MAOB: variants seen among roughly 807,000 people sequenced by gnomAD.
The protein encoded by MAOB is monoamine oxidase B.
Under a neutral mutation model 41.9 loss-of-function variants are expected in MAOB, and 15 were observed. The ratio of observed to expected loss-of-function variants is 0.36; its 90% confidence interval spans 0.24 to 0.55. The LOEUF is 0.55. Among genes scored for constraint, MAOB ranks in the 20% least tolerant of loss-of-function variants. The pLI is 0.86. For synonymous variants in MAOB, 167 were observed against 144.2 expected (o/e 1.16, Z -1.13); for missense variants, 345 against 398.7 (o/e 0.87, Z 1.15).
intron 12 of MAOB, among the ~76,000 whole-genome samples, chrX:43,772,405 T>G (rs983686996): frequency 8.9e-6 from 1 of 111,888 alleles, no homozygotes; most frequent in South Asian, 3.8e-4. Context: ...TTCAGGTTAG[T>G]GTCCTCTTTG....
intron 3 of MAOB, among the ~76,000 whole-genome samples, chrX:43,823,925 T>C (rs2034913332): frequency 8.9e-6 from 1 of 112,300 alleles, no homozygotes; most frequent in Non-Finnish European, 1.9e-5. Context: ...TGTTCAGAGA[T>C]ATTGTCTCAT....
chrX:43,815,535 G>A (rs995819144), intron 3 of MAOB, among the ~76,000 whole-genome samples: 16 of 112,101 alleles, frequency 1.4e-4, no homozygotes, highest in South Asian at 7.5e-4. Context: ...ACTGGAAGCC[G>A]TAGTTTTTGC....
chrX:43,813,656 C>A (rs955323320), intron 3 of MAOB, among the ~76,000 whole-genome samples: 1 of 111,812 alleles, frequency 8.9e-6, no homozygotes, highest in South Asian at 3.7e-4. Flanking sequence ...CCCTCCTGTT[C>A]CCATGCAAGG....
At chrX:43,839,087 C>T (rs376514472) in intron 2 of MAOB, 82 bp from the exon 3 acceptor site, 93 of 730,145 alleles carry the variant, frequency 1.3e-4, no homozygotes, top group Non-Finnish European at 1.6e-4. Context: ...ATAAGCAAAT[C>T]GACATTTCAC....
chrX:43,866,022 C>T (rs995641607), intron 1 of MAOB, among the ~76,000 whole-genome samples: 5 of 110,589 alleles, frequency 4.5e-5, no homozygotes, highest in African/African-American at 9.9e-5. Context: ...TAGCTACAGG[C>T]CCTAGGAAGA....
intron 3 of MAOB, among the ~76,000 whole-genome samples, chrX:43,825,300 A>T (rs1169871364): frequency 1.8e-5 from 2 of 111,425 alleles, no homozygotes; most frequent in Non-Finnish European, 3.8e-5. Context: ...AGTGCTGTAA[A>T]CGTAAGCTTT....
At chrX:43,828,541 C>CAAAA in intron 3 of MAOB, among the ~76,000 whole-genome samples, 1 of 97,427 alleles carries the variant, frequency 1.0e-5, no homozygotes, top group Middle Eastern at 5.2e-3. Context: ...AGGCATAAGA[C>CAAAA]AAAAAAAAAA....
intron 3 of MAOB, among the ~76,000 whole-genome samples, chrX:43,837,387 G>A (rs756803269): frequency 2.7e-5 from 3 of 112,065 alleles, no homozygotes; most frequent in Non-Finnish European, 5.6e-5. Flanking sequence ...TAGTAGAGAC[G>A]GGGTTTCGCC....
chrX:43,870,448 C>G (rs1156743681), intron 1 of MAOB, among the ~76,000 whole-genome samples: 1 of 111,125 alleles, frequency 9.0e-6, no homozygotes, highest in Admixed American at 9.6e-5. Flanking sequence ...TTATCCAGAA[C>G]TGATGAGACT....
chrX:43,866,360 A>G (rs536215646), intron 1 of MAOB, among the ~76,000 whole-genome samples: 3 of 112,242 alleles, frequency 2.7e-5, no homozygotes, highest in African/African-American at 9.7e-5. Context: ...AAAATATCCA[A>G]TCTGCTTTTT....
intron 3 of MAOB, among the ~76,000 whole-genome samples, chrX:43,824,589 A>G (rs1440963166): frequency 8.9e-6 from 1 of 112,011 alleles, no homozygotes; most frequent in Non-Finnish European, 1.9e-5. Context: ...AGGCTGAGGC[A>G]GGAGAATTGC....
In MAOB at chrX:43,810,019, G is replaced by A. The variant is rs999461155; in HGVS notation, c.280-6615C>T. Among the ~76,000 whole-genome samples the A allele has an allele frequency of 3.0e-5, 3 of 99,526 alleles. 1 individual carries two copies. Among genetic ancestry groups the A allele is most frequent in the African/African-American group, 9.2e-5 (2 of 21,624 alleles). The allele number at this position is 99,526 out of a possible 115,157, so 86.4% of individuals were successfully genotyped here. ...AGCACTTTGGGAGGCCGAGGCGGGCGGATCACGAGGTCAGGAGATCGAGAC... is the reference window on the plus strand; with the variant it reads ...AGCACTTTGGGAGGCCGAGGCGGGCAGATCACGAGGTCAGGAGATCGAGAC... On this transcript the variant is annotated intron_variant, in intron 3 of 14. Transcript: ENST00000378069.
At chrX:43,815,800 A>C (rs993532236) in intron 3 of MAOB, among the ~76,000 whole-genome samples, 2 of 111,841 alleles carry the variant, frequency 1.8e-5, no homozygotes, top group Non-Finnish European at 3.8e-5. Flanking sequence ...CCTTTGGAAA[A>C]CTGGCAGTAC....
intron 2 of MAOB, among the ~76,000 whole-genome samples, chrX:43,840,122 T>G (rs2035116793): frequency 9.0e-6 from 1 of 111,581 alleles, no homozygotes; most frequent in Non-Finnish European, 1.9e-5. Flanking sequence ...ACAACAAGGG[T>G]TAGATCAAGT....
Position 43,835,407 on chromosome X carries a change from C to A in MAOB, c.279+3461G>T, listed in dbSNP as rs201624314. Among the ~76,000 whole-genome samples the A allele has an allele frequency of 8.0e-5, 9 of 111,981 alleles. No homozygotes were observed. In the East Asian group the frequency reaches 2.3e-3, roughly 28 times the overall value. ...AGTACTAACAGCTGCATCACTGACTCCAGAAGTAAGGAAAACACCTTCTAA... is the reference window on the plus strand; with the variant it reads ...AGTACTAACAGCTGCATCACTGACTACAGAAGTAAGGAAAACACCTTCTAA... On this transcript the variant is annotated intron_variant, in intron 3 of 14. Transcript: ENST00000378069.
intron 1 of MAOB, among the ~76,000 whole-genome samples, chrX:43,864,017 T>C (rs913502100): frequency 8.9e-6 from 1 of 111,754 alleles, no homozygotes; most frequent in African/African-American, 3.2e-5. Flanking sequence ...TGGAATTTAA[T>C]AACATTGTTT....
chrX:43,785,209 G>A (rs762570251), intron 8 of MAOB, among the ~76,000 whole-genome samples: 5 of 113,139 alleles, frequency 4.4e-5, no homozygotes, highest in African/African-American at 9.6e-5. Flanking sequence ...ATGTTCTTAC[G>A]TAGAACTTCT....
intron 9 of MAOB, 52 bp downstream of exon 9, chrX:43,781,396 G>A: frequency 1.4e-6 from 1 of 736,680 alleles, no homozygotes; most frequent in South Asian, 4.0e-5. Context: ...AATAGTATGT[G>A]ATTATCTTGT....
At chrX:43,778,871 AT>A (rs1407966277) in intron 10 of MAOB, 132 bp from the exon 11 acceptor site, 10 of 491,757 alleles carry the variant, frequency 2.0e-5, no homozygotes, top group Non-Finnish European at 3.4e-5. Context: ...TTTCATTTTA[AT>A]TTTTTAAAAC....
Sources: gnomAD v4.1 joint callset for allele counts (sites outside exome capture counted in the v4.1 genomes callset) on GRCh38, gnomAD v4.1.1 for gene constraint, MANE v1.5 for transcripts, NCBI Gene and HGNC (gene_info 2026-07-23, HGNC 2026-07-21) for gene names.